NFKB1: variants seen among roughly 807,000 people sequenced by gnomAD.
NFKB1 encodes the protein nuclear factor kappa B subunit 1, also known as nuclear factor NF-kappa-B p105 subunit.
In NFKB1, 9 loss-of-function variants were observed where a neutral mutation model predicts 105.1. That is an observed-to-expected ratio of 0.09 (90% confidence interval 0.05 to 0.15). NFKB1 has a LOEUF of 0.15. Ranked by LOEUF, NFKB1 falls within the 10% of genes least tolerant of loss-of-function variation. The pLI, the probability that NFKB1 is intolerant of heterozygous loss-of-function variation, is 1.00. For missense variants in NFKB1, 830 were observed against 1,203.7 expected (o/e 0.69, Z 4.59); for synonymous variants, 440 against 442.2 (o/e 1.00, Z 0.06).
Position 102,609,151 on chromosome 4 carries a change from C to T in NFKB1, c.2227+1400C>T, listed in dbSNP as rs185610468. Among the ~76,000 whole-genome samples the T allele has an allele frequency of 4.1e-5, 3 of 73,094 alleles. 1 individual carries two copies. The highest frequency in any genetic ancestry group is 1.4e-4 in the African/African-American group (3 of 22,184). 48.0% of individuals were successfully genotyped at this position (73,094 alleles called of 152,430 possible). Reference sequence around the variant, plus strand: ...CTGAGCTATAGAATAAGAATAAGACCCTGTCTCAAAAAAAAAAAAGAAAAA... The same window carrying T: ...CTGAGCTATAGAATAAGAATAAGACTCTGTCTCAAAAAAAAAAAAGAAAAA... On this transcript the variant is annotated intron_variant, in intron 19 of 23. Coordinates refer to ENST00000226574, the MANE Select transcript of NFKB1 (RefSeq NM_003998.4).
intron 5 of NFKB1, among the ~76,000 whole-genome samples, chr4:102,542,936 T>C (rs1183557915): frequency 6.6e-6 from 1 of 152,242 alleles, no homozygotes; most frequent in East Asian, 1.9e-4. Flanking sequence ...TTATATCTTG[T>C]CCTTTCATAA....
Position 102,593,497 on chromosome 4 carries a change from G to C in NFKB1, c.1139G>C (p.Gly380Ala), listed in dbSNP as rs1578805527. ...NFSDSFGGGS[G>A]AGAGGGGMFG... ...TCGGATAGTTTCGGCGGTGGTAGTG[G>C]TGCTGGAGCTGGAGGCGGAGGCATG... The change falls in exon 12 of 24, where the codon GGT becomes GCT. Residue 380 changes from glycine to alanine, a missense_variant. Transcript: ENST00000226574. The C allele has an allele frequency of 3.1e-6, 5 of 1,613,798 alleles. No individual in the cohort carries two copies. The East Asian group carries it at 1.1e-4, about 36-fold the overall frequency.
At chr4:102,586,877 G>A (rs932773316) in intron 11 of NFKB1, among the ~76,000 whole-genome samples, 4 of 152,242 alleles carry the variant, frequency 2.6e-5, no homozygotes, top group African/African-American at 9.6e-5. Flanking sequence ...AGAGCAAGAT[G>A]TGATAGGTAA....
intron 1 of NFKB1, among the ~76,000 whole-genome samples, chr4:102,505,510 CTTA>C (rs1739363535): frequency 6.6e-6 from 1 of 151,938 alleles, no homozygotes; most frequent in African/African-American, 2.4e-5. Context: ...TACAAATTGC[CTTA>C]TTATTTTTCA....
chr4:102,589,981 A>G (rs1726037585), intron 11 of NFKB1, among the ~76,000 whole-genome samples: 1 of 152,146 alleles, frequency 6.6e-6, no homozygotes, highest in Non-Finnish European at 1.5e-5. Flanking sequence ...TGAAAACAAA[A>G]CAAAAAGAAA....
chr4:102,616,600 T>C lies in NFKB1; in HGVS notation c.*6T>C. ...CTCTAGAAGGCAAAATTTAGCCTGC[T>C]GACAATTTCCCACACCGTGTAAACC... On this transcript the variant is annotated 3_prime_UTR_variant, in exon 24 of 24. Coordinates refer to ENST00000226574, the MANE Select transcript of NFKB1 (RefSeq NM_003998.4). 6.2e-7 allele frequency: 1 copy of C among 1,613,566 alleles called. No individual in the cohort carries two copies. Among genetic ancestry groups the C allele is most frequent in the Non-Finnish European group, 8.5e-7 (1 of 1,179,768 alleles).
At chr4:102,581,680 G>T (rs181342416) in intron 9 of NFKB1, among the ~76,000 whole-genome samples, 58 of 152,192 alleles carry the variant, frequency 3.8e-4, no homozygotes, top group African/African-American at 1.4e-3. Flanking sequence ...CACTTTCTCT[G>T]CCTACACTAG....
In NFKB1 at chr4:102,533,898, G is replaced by C; in HGVS notation, c.159+13G>C. 6 of 1,606,954 alleles carry C rather than the reference G, an allele frequency of 3.7e-6. No individual in the cohort carries two copies. Among genetic ancestry groups the C allele is most frequent in the Non-Finnish European group, 5.1e-6 (6 of 1,175,112 alleles). On this transcript the variant is annotated intron_variant, in intron 4 of 23. Coordinates refer to ENST00000226574, the MANE Select transcript of NFKB1 (RefSeq NM_003998.4). ...GCAACCTAAACAGGTAAGATTAAAG[G>C]GGTGGGACTTTAAATGTTAGATTCC...
chr4:102,591,003 G>A (rs1395860761), intron 11 of NFKB1, among the ~76,000 whole-genome samples: 2 of 152,156 alleles, frequency 1.3e-5, no homozygotes, highest in African/African-American at 4.8e-5. Context: ...TTCTATGATG[G>A]CTTAGAGAGG....
At chr4:102,580,676 T>A in intron 9 of NFKB1, 37 bp downstream of exon 9, 1 of 1,506,370 alleles carries the variant, frequency 6.6e-7, no homozygotes, top group Non-Finnish European at 9.2e-7. Context: ...TCAAGAGGTG[T>A]GATCTTGACA....
chr4:102,511,262 G>A (rs1179967900), intron 1 of NFKB1, among the ~76,000 whole-genome samples: 1 of 152,202 alleles, frequency 6.6e-6, no homozygotes, highest in African/African-American at 2.4e-5. Flanking sequence ...TGATTTATTT[G>A]AATATATGTT....
chr4:102,555,640 C>T (rs530858695), intron 5 of NFKB1, among the ~76,000 whole-genome samples: 5 of 152,016 alleles, frequency 3.3e-5, no homozygotes, highest in East Asian at 3.9e-4. Context: ...ATAGATCTAA[C>T]GAGAGAAAAC....
At position 102,537,574 on chromosome 4, in the gene NFKB1, T is replaced by C. The variant is rs1377462039; in HGVS notation, c.160-284T>C. Reference sequence around the variant, plus strand: ...AACATGTTAAGTCTAAAGCCTAAACTCTTCAGCAGATTACTCTCCACACAT... The same window carrying C: ...AACATGTTAAGTCTAAAGCCTAAACCCTTCAGCAGATTACTCTCCACACAT... On this transcript the variant is annotated intron_variant, in intron 4 of 23. Coordinates refer to ENST00000226574, the MANE Select transcript of NFKB1 (RefSeq NM_003998.4). 6 of 237,086 alleles carry C rather than the reference T, an allele frequency of 2.5e-5. No homozygotes were observed. In the Admixed American group the frequency reaches 3.3e-4, roughly 13 times the overall value. 14.7% of individuals were successfully genotyped at this position (237,086 alleles called of 1,614,324 possible). A position where few individuals can be genotyped will look rare whatever the true frequency, so the allele number is the denominator to read the frequency against.
At chr4:102,553,079 A>T (rs780239602) in intron 5 of NFKB1, among the ~76,000 whole-genome samples, 3 of 152,190 alleles carry the variant, frequency 2.0e-5, no homozygotes, top group Non-Finnish European at 4.4e-5. Flanking sequence ...AGAATAGTTG[A>T]AATGCTCTTT....
chr4:102,510,969 AGT>A lies in NFKB1; in HGVS notation c.-8+9184_-8+9185del, dbSNP rs1293283181. ...CACCAGGTAAACTAAAAAGAAAAAGAGTGTTAAAAAGTCAGCCTTTAAAAAGC... is the reference window on the plus strand; with the variant it reads ...CACCAGGTAAACTAAAAAGAAAAAGAGTTAAAAAGTCAGCCTTTAAAAAGC... On this transcript the variant is annotated intron_variant, in intron 1 of 23. Transcript: ENST00000226574. 2.3e-6 allele frequency: 3 copies of A among 1,280,916 alleles called. No individual in the cohort carries two copies. In the African/African-American group the frequency reaches 4.6e-5, roughly 20 times the overall value. The allele number at this position is 1,280,916 out of a possible 1,614,324, so 79.3% of individuals were successfully genotyped here. A position where few individuals can be genotyped will look rare whatever the true frequency, so the allele number is the denominator to read the frequency against.
At position 102,607,631 on chromosome 4, in the gene NFKB1, G is replaced by C. The variant is rs1400971443; in HGVS notation, c.2125-18G>C. 10 of 1,612,190 alleles carry C rather than the reference G, an allele frequency of 6.2e-6. No homozygotes were observed. The highest frequency in any genetic ancestry group is 7.6e-6 in the Non-Finnish European group (9 of 1,178,486). On this transcript the variant is annotated intron_variant, in intron 18 of 23. Coordinates refer to ENST00000226574, the MANE Select transcript of NFKB1 (RefSeq NM_003998.4). ...AAGAACCTTCCACTAACGCTTTCTT[G>C]TGTGGGCTGGATTGTAGGGTGATGC...
At chr4:102,514,674 A>G (rs1018068034) in intron 1 of NFKB1, among the ~76,000 whole-genome samples, 4 of 152,120 alleles carry the variant, frequency 2.6e-5, no homozygotes, top group African/African-American at 9.7e-5. Context: ...AATTACCGAG[A>G]GAGGAATGTT....
chr4:102,518,799 C>T (rs1048847645), intron 1 of NFKB1, among the ~76,000 whole-genome samples: 4 of 152,122 alleles, frequency 2.6e-5, no homozygotes, highest in Non-Finnish European at 5.9e-5. Context: ...GCTAGGGAGC[C>T]TCAGCTAGGA....
intron 6 of NFKB1, among the ~76,000 whole-genome samples, chr4:102,568,762 G>A (rs749420107): frequency 1.3e-5 from 2 of 152,058 alleles, no homozygotes; most frequent in Non-Finnish European, 2.9e-5. Context: ...ACCTTAAAGC[G>A]GGAATAGAAG....
Sources: allele counts gnomAD v4.1 joint callset (sites outside exome capture counted in the v4.1 genomes callset), GRCh38; gene constraint gnomAD v4.1.1; transcripts MANE v1.5; gene names NCBI Gene and HGNC (gene_info 2026-07-23, HGNC 2026-07-21).